Variants in SPON1 observed in about 807,000 individuals in gnomAD.
The protein encoded by SPON1 is spondin-1.
In SPON1, 52 loss-of-function variants were observed where a neutral mutation model predicts 111.7. The observed-to-expected ratio is 0.47, with a 90% CI of 0.37 to 0.59. SPON1 has a LOEUF of 0.59. SPON1 is among the 20% of genes least tolerant of loss of function. The pLI, the probability that SPON1 is intolerant of heterozygous loss-of-function variation, is 0.00. For missense variants in SPON1, 957 were observed against 1,068.5 expected (o/e 0.90, Z 1.46); for synonymous variants, 410 against 395.8 (o/e 1.04, Z -0.43).
chr11:14,257,040 GCAAAGAAAGGCCCAGATCCTACAAT>G (rs1303162548), intron 10 of SPON1, among the ~76,000 whole-genome samples: 18 of 152,114 alleles, frequency 1.2e-4, no homozygotes, highest in African/African-American at 4.3e-4. Flanking sequence ...TTCCTAGCAA[GCAAAGAAAGGCCCAGATCCTACAAT>G]CAGGAGGGAG....
intron 5 of SPON1, among the ~76,000 whole-genome samples, chr11:14,129,819 C>G (rs1847506073): frequency 6.6e-6 from 1 of 152,114 alleles, no homozygotes; most frequent in African/African-American, 2.4e-5. Context: ...CCTCAGGAAA[C>G]TTACAATCAT....
intron 7 of SPON1, among the ~76,000 whole-genome samples, chr11:14,245,800 C>A (rs1429485075): frequency 6.6e-6 from 1 of 152,190 alleles, no homozygotes; most frequent in Non-Finnish European, 1.5e-5. Context: ...GAAAACCCAC[C>A]CAGCCCAGGA....
At chr11:14,071,735 G>A (rs557150978) in intron 3 of SPON1, among the ~76,000 whole-genome samples, 13 of 151,374 alleles carry the variant, frequency 8.6e-5, no homozygotes, top group African/African-American at 3.1e-4. Context: ...TTTTTGAGAC[G>A]GAGTCTCCCT....
chr11:13,974,191 C>G (rs1241053068), intron 1 of SPON1, among the ~76,000 whole-genome samples: 3 of 152,202 alleles, frequency 2.0e-5, no homozygotes, highest in Admixed American at 6.5e-5. Context: ...AAGGGGAGCA[C>G]TGTGACTAAC....
intron 6 of SPON1, among the ~76,000 whole-genome samples, chr11:14,239,107 C>T (rs1316794070): frequency 6.6e-6 from 1 of 152,140 alleles, no homozygotes; most frequent in Non-Finnish European, 1.5e-5. Flanking sequence ...CTACATAAGC[C>T]TTCCATCATA....
chr11:14,092,403 G>A (rs1849066767), intron 5 of SPON1, among the ~76,000 whole-genome samples: 1 of 152,166 alleles, frequency 6.6e-6, no homozygotes, highest in Non-Finnish European at 1.5e-5. Context: ...CTCTGCAATA[G>A]GTAAGATAGC....
chr11:14,237,324 C>T (rs1591422440), intron 6 of SPON1, among the ~76,000 whole-genome samples: 1 of 152,310 alleles, frequency 6.6e-6, no homozygotes, highest in East Asian at 1.9e-4. Context: ...CAGAGGGAAC[C>T]CCAGTGATCC....
At chr11:14,052,989 C>A (rs1169775680) in intron 3 of SPON1, among the ~76,000 whole-genome samples, 1 of 152,098 alleles carries the variant, frequency 6.6e-6, no homozygotes, top group Non-Finnish European at 1.5e-5. Context: ...ACACATGGCC[C>A]GCCCTATTTG....
At chr11:14,050,459 G>A (rs1346026372) in intron 3 of SPON1, among the ~76,000 whole-genome samples, 2 of 152,208 alleles carry the variant, frequency 1.3e-5, no homozygotes, top group Non-Finnish European at 2.9e-5. Context: ...AAAAGTTGCA[G>A]TGGAGACCAT....
intron 6 of SPON1, among the ~76,000 whole-genome samples, chr11:14,181,381 A>T (rs1848233728): frequency 6.6e-6 from 1 of 152,202 alleles, no homozygotes; most frequent in Non-Finnish European, 1.5e-5. Context: ...TCCACTGCTG[A>T]TGGCAGGAAG....
chr11:14,256,018 G>T (rs781963796), intron 9 of SPON1, among the ~76,000 whole-genome samples: 1 of 152,178 alleles, frequency 6.6e-6, no homozygotes, highest in Non-Finnish European at 1.5e-5. Context: ...AGTCCAAGGT[G>T]GGCAGATCAC....
At chr11:14,258,830 G>A (rs565562496) in intron 11 of SPON1, among the ~76,000 whole-genome samples, 2 of 152,300 alleles carry the variant, frequency 1.3e-5, no homozygotes, top group South Asian at 4.1e-4. Context: ...GGAAAGCTGG[G>A]ACTGGCCTGT....
chr11:14,214,756 T>G (rs1479909035), intron 6 of SPON1, among the ~76,000 whole-genome samples: 1 of 152,202 alleles, frequency 6.6e-6, no homozygotes, highest in African/African-American at 2.4e-5. Context: ...CATTGTACCA[T>G]TTTCAACTGG....
At chr11:14,174,130 C>T (rs1182363127) in intron 6 of SPON1, among the ~76,000 whole-genome samples, 3 of 152,206 alleles carry the variant, frequency 2.0e-5, no homozygotes, top group Non-Finnish European at 2.9e-5. Flanking sequence ...TATACTGGAT[C>T]CTGGATCCCC....
intron 6 of SPON1, among the ~76,000 whole-genome samples, chr11:14,162,609 T>C (rs561104102): frequency 5.2e-4 from 79 of 152,344 alleles, no homozygotes; most frequent in African/African-American, 1.8e-3. Context: ...CACCTAATTA[T>C]ACATTATTTT....
intron 3 of SPON1, among the ~76,000 whole-genome samples, chr11:14,064,621 A>G (rs1848818310): frequency 6.6e-6 from 1 of 152,008 alleles, no homozygotes; most frequent in Non-Finnish European, 1.5e-5. Flanking sequence ...TTTAGAGAGG[A>G]CCTACTGTGT....
intron 5 of SPON1, among the ~76,000 whole-genome samples, chr11:14,114,526 G>A (rs1160324149): frequency 6.6e-6 from 1 of 152,142 alleles, no homozygotes; most frequent in Non-Finnish European, 1.5e-5. Context: ...CTCCACATCC[G>A]TCCAGGTTCC....
chr11:14,034,531 T>C (rs1415815732), intron 2 of SPON1, among the ~76,000 whole-genome samples: 1 of 152,226 alleles, frequency 6.6e-6, no homozygotes, highest in Non-Finnish European at 1.5e-5. Flanking sequence ...ACTCCTTCTG[T>C]TCAATGTTTA....
chr11:13,983,094 C>G, intron 2 of SPON1, 141 bp downstream of exon 2: 2 of 625,226 alleles, frequency 3.2e-6, no homozygotes, highest in Non-Finnish European at 5.7e-6. Flanking sequence ...AAAGGGTCAT[C>G]ATGGAGCAAG....
Sources: allele counts gnomAD v4.1 joint callset (sites outside exome capture counted in the v4.1 genomes callset), GRCh38; gene constraint gnomAD v4.1.1; transcripts MANE v1.5; gene names NCBI Gene and HGNC (gene_info 2026-07-23, HGNC 2026-07-21).